The following SMAP1 variants were observed in gnomAD, a reference collection of about 807,000 sequenced individuals.
SMAP1 encodes small ArfGAP 1, also known as stromal membrane-associated protein 1.
SMAP1 carries 24 observed loss-of-function variants against 58.5 expected under a neutral mutation model. The ratio of observed to expected loss-of-function variants is 0.41; its 90% CI spans 0.30 to 0.58. The LOEUF (loss-of-function observed/expected upper bound fraction) is 0.58. Ranked by LOEUF, SMAP1 falls within the 20% of genes least tolerant of loss-of-function variation. The pLI, the probability that SMAP1 is intolerant of heterozygous loss-of-function variation, is 0.29. For synonymous variants in SMAP1, 216 were observed against 196.6 expected (o/e 1.10, Z -0.82); for missense variants, 563 against 566.3 (o/e 0.99, Z 0.06).
chr6:70,818,062 T>C lies in SMAP1; in HGVS notation c.577-18879T>C, dbSNP rs185972464. Among the ~76,000 whole-genome samples the C allele has an allele frequency of 2.0e-5, 3 of 152,262 alleles. No individual in the cohort carries two copies. The East Asian group carries it at 5.8e-4, about 29-fold the overall frequency. ...CCATTTCTCCATTATTTTCACTTTC[T>C]CCTCTTTCTAAATTCTACTTTTGAA... On this transcript the variant is annotated intron_variant, in intron 6 of 10. Transcript: ENST00000370455.
chr6:70,852,519 G>A lies in SMAP1; in HGVS notation c.665-21G>A, dbSNP rs372726739. The A allele has an allele frequency of 2.4e-5, 37 of 1,512,158 alleles. No homozygotes were observed. The African/African-American group carries it at 4.7e-4, about 19-fold the overall frequency. The allele number at this position is 1,512,158 out of a possible 1,614,324, so 93.7% of individuals were successfully genotyped here. ...AATTTAAGATATTCTACGTTAAGAC[G>A]AGAATCTATATTCTTTTCAGATGGC... On this transcript the variant is annotated intron_variant, in intron 7 of 10. Coordinates refer to ENST00000370455, the MANE Select transcript of SMAP1 (RefSeq NM_001044305.3).
intron 1 of SMAP1, among the ~76,000 whole-genome samples, chr6:70,682,570 G>A (rs1766762808): frequency 1.3e-5 from 2 of 152,098 alleles, no homozygotes; most frequent in Admixed American, 6.5e-5. Flanking sequence ...CCACTGATTG[G>A]TATGTTTTCT....
At chr6:70,715,204 C>T (rs1041620543) in intron 1 of SMAP1, among the ~76,000 whole-genome samples, 1 of 149,724 alleles carries the variant, frequency 6.7e-6, no homozygotes, top group African/African-American at 2.5e-5. Flanking sequence ...GGCTCAGGAC[C>T]TCCTGCCTCA....
chr6:70,744,508 A>G (rs1383032832), intron 2 of SMAP1, among the ~76,000 whole-genome samples: 1 of 152,068 alleles, frequency 6.6e-6, no homozygotes, highest in Admixed American at 6.6e-5. Context: ...GAACTCATCC[A>G]TTTTTATGGC....
At chr6:70,786,715 G>C (rs1366679767) in intron 4 of SMAP1, among the ~76,000 whole-genome samples, 1 of 152,098 alleles carries the variant, frequency 6.6e-6, no homozygotes, top group Non-Finnish European at 1.5e-5. Context: ...TTACTACCAA[G>C]AGAATAAAAT....
intron 6 of SMAP1, among the ~76,000 whole-genome samples, chr6:70,836,178 G>A (rs772325020): frequency 2.0e-5 from 3 of 152,122 alleles, no homozygotes; most frequent in Non-Finnish European, 4.4e-5. Context: ...ACCCGAGACT[G>A]GGCAATTTAC....
intron 1 of SMAP1, among the ~76,000 whole-genome samples, chr6:70,725,112 T>G (rs1245820388): frequency 3.7e-5 from 4 of 107,820 alleles, no homozygotes; most frequent in Admixed American, 9.5e-5. Flanking sequence ...TTTTTTTTTT[T>G]TTTTTTTTTT....
chr6:70,837,104 C>CA, intron 7 of SMAP1, 76 bp downstream of exon 7: 1 of 1,119,670 alleles, frequency 8.9e-7, no homozygotes, highest in Non-Finnish European at 1.2e-6. Context: ...AATATAATGG[C>CA]TTTATCTTGA....
At chr6:70,688,992 T>C (rs1183904137) in intron 1 of SMAP1, among the ~76,000 whole-genome samples, 1 of 151,990 alleles carries the variant, frequency 6.6e-6, no homozygotes, top group East Asian at 1.9e-4. Context: ...TTTTTGCATA[T>C]GGATATTTGA....
intron 7 of SMAP1, among the ~76,000 whole-genome samples, chr6:70,841,094 G>A (rs1770785798): frequency 6.6e-6 from 1 of 152,160 alleles, no homozygotes; most frequent in Non-Finnish European, 1.5e-5. Flanking sequence ...CCCGACTAAT[G>A]CTTCTATTCA....
intron 1 of SMAP1, among the ~76,000 whole-genome samples, chr6:70,714,665 T>C (rs1264931606): frequency 1.3e-5 from 2 of 152,176 alleles, no homozygotes; most frequent in African/African-American, 4.8e-5. Context: ...TTTGCCCGTA[T>C]ATTTAACTTT....
chr6:70,690,891 A>G (rs959917307), intron 1 of SMAP1, among the ~76,000 whole-genome samples: 52 of 150,304 alleles, frequency 3.5e-4, no homozygotes, highest in African/African-American at 1.2e-3. Context: ...TTTCCCCTCA[A>G]TTTCCGGAGG....
At chr6:70,668,502 A>G in intron 1 of SMAP1, 1 of 1,477,206 alleles carries the variant, frequency 6.8e-7, no homozygotes, top group Non-Finnish European at 8.9e-7. Context: ...AGGGTTAGAG[A>G]GTTGCCCTCC....
intron 2 of SMAP1, chr6:70,734,418 C>CT (rs1272718216): frequency 6.6e-6 from 1 of 152,282 alleles, no homozygotes; most frequent in East Asian, 1.9e-4. Context: ...AGTGCTGGGA[C>CT]TACAGGCATG....
At chr6:70,795,658 G>A (rs1442793557) in intron 5 of SMAP1, among the ~76,000 whole-genome samples, 1 of 152,038 alleles carries the variant, frequency 6.6e-6, no homozygotes, top group Non-Finnish European at 1.5e-5. Context: ...ATTTTGGGGT[G>A]GACACAAACA....
chr6:70,804,310 C>CTGT (rs1491392047), intron 6 of SMAP1, among the ~76,000 whole-genome samples: 2 of 150,178 alleles, frequency 1.3e-5, no homozygotes, highest in Admixed American at 1.3e-4. Flanking sequence ...ATTGCAACCC[C>CTGT]TGTTTTTTTT....
At chr6:70,702,582 C>T (rs1767676825) in intron 1 of SMAP1, among the ~76,000 whole-genome samples, 1 of 151,734 alleles carries the variant, frequency 6.6e-6, no homozygotes, top group South Asian at 2.1e-4. Context: ...CACATGCACT[C>T]CATGCCTCAT....
At chr6:70,825,110 G>C (rs1379861334) in intron 6 of SMAP1, among the ~76,000 whole-genome samples, 1 of 152,162 alleles carries the variant, frequency 6.6e-6, no homozygotes. Flanking sequence ...GTACAGCAAG[G>C]AACAGTGGGG....
chr6:70,674,114 T>G (rs1766379747), intron 1 of SMAP1, among the ~76,000 whole-genome samples: 1 of 149,502 alleles, frequency 6.7e-6, no homozygotes, highest in Non-Finnish European at 1.5e-5. Flanking sequence ...TGCTTTGGCA[T>G]TTTTTTTTTC....
Sources: gnomAD v4.1 joint callset for allele counts (sites outside exome capture counted in the v4.1 genomes callset) on GRCh38, gnomAD v4.1.1 for gene constraint, MANE v1.5 for transcripts, NCBI Gene and HGNC (gene_info 2026-07-23, HGNC 2026-07-21) for gene names.